FBXW12: variants seen among roughly 807,000 people sequenced by gnomAD.
The protein encoded by FBXW12 is F-box/WD repeat-containing protein 12.
Under a neutral mutation model 55.3 loss-of-function variants are expected in FBXW12, and 43 were observed. That is an observed-to-expected ratio of 0.78 (90% CI 0.61 to 1.00). The LOEUF (loss-of-function observed/expected upper bound fraction) is 1.00. Ranked by LOEUF, FBXW12 falls within the 50% of genes least tolerant of loss-of-function variation. FBXW12 has a pLI of 0.00. For missense variants in FBXW12, 524 were observed against 560.5 expected, an observed-to-expected ratio of 0.93 and a Z score of 0.66; for synonymous variants, 184 against 203.8, an observed-to-expected ratio of 0.90 and a Z score of 0.83.
Position 48,389,094 on chromosome 3 carries a change from A to G in FBXW12, c.1296-5466A>G, listed in dbSNP as rs576394526. Among the ~76,000 whole-genome samples the G allele has an allele frequency of 2.1e-4, 32 of 152,260 alleles. 1 individual carries two copies. The highest frequency in any genetic ancestry group is 7.5e-4 in the African/African-American group (31 of 41,542). ...TACGAGTCTAATTTATTTAGATTCC[A>G]TGTATAAGTGAGATCATCAGGCATG... On this transcript the variant is annotated intron_variant, in intron 10 of 10. Coordinates refer to ENST00000296438, the MANE Select transcript of FBXW12 (RefSeq NM_207102.2).
At position 48,380,465 on chromosome 3, in the gene FBXW12, C is replaced by T. The variant is rs1039926699; in HGVS notation, c.775-237C>T. ...AGGGTTCAACATGGCAAGATGGTTT[C>T]ATAACACCTTAGCATGCTTCAGGGA... On this transcript the variant is annotated intron_variant, in intron 7 of 10. Transcript: ENST00000296438. Among the ~76,000 whole-genome samples, 4 of 152,200 alleles carry T rather than the reference C, an allele frequency of 2.6e-5. No homozygotes were observed. In the East Asian group the frequency reaches 7.7e-4, roughly 29 times the overall value.
At chr3:48,394,502 C>T (rs1384593371) in intron 10 of FBXW12, 58 bp from the exon 11 acceptor site, 2 of 967,296 alleles carry the variant, frequency 2.1e-6, no homozygotes, top group Admixed American at 4.0e-5. Flanking sequence ...TCAGTATTAA[C>T]AATGGATGTA....
chr3:48,374,640 T>A (rs186487076), intron 4 of FBXW12, among the ~76,000 whole-genome samples: 7 of 152,118 alleles, frequency 4.6e-5, no homozygotes, highest in African/African-American at 1.2e-4. Context: ...ATTTTTTAAA[T>A]TTTTTTGTAG....
intron 8 of FBXW12, among the ~76,000 whole-genome samples, chr3:48,381,317 C>G (rs569144256): frequency 6.6e-6 from 1 of 151,974 alleles, no homozygotes. Context: ...CCATCGCACC[C>G]GGCCAGGAGC....
chr3:48,375,363 C>A lies in FBXW12; in HGVS notation c.296C>A (p.Thr99Lys), dbSNP rs148596796. Residue 99 changes from threonine (T) to lysine (K), a missense_variant, in exon 5 of 11, where the codon ACG becomes AAG. By Grantham distance (78) the Thr-to-Lys change is moderately conservative (BLOSUM62 -1). Coordinates refer to ENST00000296438, the MANE Select transcript of FBXW12 (RefSeq NM_207102.2). ...YKVTKNIAFE[T>K]ELAYLSGNRL... ...CTATGTTTCCTTCTAGCATTTGAGA[C>A]GGAGTTGGCTTATCTCTCAGGAAAT... 7.8e-5 allele frequency: 125 copies of A among 1,600,658 alleles called. No individual in the cohort carries two copies. The highest frequency in any genetic ancestry group is 1.1e-4 in the Non-Finnish European group (123 of 1,169,090).
rs371995635 is a variant in FBXW12, at chr3:48,373,233, AAAT to A, written c.91-70_91-68del. ...CCTGTGCGGGCCCAGCTCCCAGAAC[AAAT>A]AATAGCAGAGGATTACCCTTGCTCT... On this transcript the variant is annotated intron_variant, in intron 2 of 10. Transcript: ENST00000296438. 7 of 1,609,442 alleles carry A rather than the reference AAAT, an allele frequency of 4.3e-6. No homozygotes were observed. In the African/African-American group the frequency reaches 6.7e-5, roughly 15 times the overall value.
chr3:48,384,349 T>C (rs2036816350), intron 10 of FBXW12, among the ~76,000 whole-genome samples: 1 of 152,244 alleles, frequency 6.6e-6, no homozygotes, highest in South Asian at 2.1e-4. Context: ...ATTACTAGTA[T>C]ATAGAAATAC....
chr3:48,381,217 T>C (rs917511631), intron 8 of FBXW12, among the ~76,000 whole-genome samples: 1 of 151,950 alleles, frequency 6.6e-6, no homozygotes, highest in Non-Finnish European at 1.5e-5. Flanking sequence ...AGAGACAGGG[T>C]TTCACCCTGT....
At chr3:48,377,160 G>A (rs970823942) in intron 5 of FBXW12, among the ~76,000 whole-genome samples, 16 of 152,196 alleles carry the variant, frequency 1.1e-4, no homozygotes, top group Admixed American at 1.0e-3. Flanking sequence ...ACTGGAGGCT[G>A]TGGGGCAGAC....
intron 10 of FBXW12, among the ~76,000 whole-genome samples, chr3:48,386,545 T>C (rs2106647794): frequency 6.6e-6 from 1 of 152,358 alleles, no homozygotes; most frequent in East Asian, 1.9e-4. Flanking sequence ...GAAATTTTGA[T>C]AGGGATTGCA....
At chr3:48,389,471 T>C (rs1271597510) in intron 10 of FBXW12, among the ~76,000 whole-genome samples, 2 of 152,150 alleles carry the variant, frequency 1.3e-5, no homozygotes, top group Non-Finnish European at 2.9e-5. Context: ...CTCTGTCTCC[T>C]AGGTTCAAGT....
Position 48,372,231 on chromosome 3 carries a change from C to T in FBXW12, c.-174C>T, listed in dbSNP as rs1221740799. The T allele has an allele frequency of 9.1e-6, 14 of 1,546,326 alleles. No homozygotes were observed. Among genetic ancestry groups the T allele is most frequent in the Non-Finnish European group, 1.2e-5 (14 of 1,142,110 alleles). On this transcript the variant is annotated 5_prime_UTR_variant, in exon 1 of 11. Transcript: ENST00000296438. ...CCAGCTTGGCACGTTCTTTCTCCTC[C>T]ACTGCAAAGTTAAATGCGAGAAGGT...
At chr3:48,376,737 G>A (rs971706037) in intron 5 of FBXW12, among the ~76,000 whole-genome samples, 2 of 152,192 alleles carry the variant, frequency 1.3e-5, no homozygotes, top group African/African-American at 2.4e-5. Flanking sequence ...TAGAGAAAGC[G>A]AAGGATGACC....
intron 5 of FBXW12, among the ~76,000 whole-genome samples, 191 bp from the exon 6 acceptor site, chr3:48,378,126 G>A (rs1180556523): frequency 2.0e-5 from 3 of 152,162 alleles, no homozygotes; most frequent in East Asian, 1.9e-4. Context: ...TCTTGTCTCG[G>A]AGCATAATGT....
chr3:48,393,331 G>T (rs1329867139), intron 10 of FBXW12, among the ~76,000 whole-genome samples: 2 of 152,098 alleles, frequency 1.3e-5, no homozygotes, highest in African/African-American at 4.8e-5. Flanking sequence ...GTGCACCGGG[G>T]GAGATAGTCG....
chr3:48,377,600 C>T (rs1011871076), intron 5 of FBXW12, among the ~76,000 whole-genome samples: 2 of 152,216 alleles, frequency 1.3e-5, no homozygotes, highest in East Asian at 1.9e-4. Flanking sequence ...CTGTTTTAAG[C>T]CACTAAATTT....
Position 48,394,547 on chromosome 3 carries a change from T to C in FBXW12, c.1296-13T>C, listed in dbSNP as rs770867213. On this transcript the variant is annotated splice_polypyrimidine_tract_variant and intron_variant, in intron 10 of 10. Transcript: ENST00000296438. ...TCTTTTGTTCACTGATGATCTTATT[T>C]TTCCATTGACAGCTGCATCTCCAGT... 42 of 1,521,876 alleles carry C rather than the reference T, an allele frequency of 2.8e-5. 2 individuals carry two copies. The South Asian group carries it at 4.7e-4, about 17-fold the overall frequency. The allele number at this position is 1,521,876 out of a possible 1,614,324, so 94.3% of individuals were successfully genotyped here. A position where few individuals can be genotyped will look rare whatever the true frequency, so the allele number is the denominator to read the frequency against.
At position 48,372,282 on chromosome 3, in the gene FBXW12, T is replaced by G. The variant is rs1560028662; in HGVS notation, c.-123T>G. On this transcript the variant is annotated 5_prime_UTR_variant, in exon 1 of 11. Transcript: ENST00000296438. ...AGAAACCCAGAGGCCATGCTGGCGC[T>G]GAGAGATGAGCCCCACTCACCAGAT... 1 of 1,552,188 alleles carries G rather than the reference T, an allele frequency of 6.4e-7. No individual in the cohort carries two copies. Among genetic ancestry groups the G allele is most frequent in the South Asian group, 1.2e-5 (1 of 84,060 alleles).
intron 10 of FBXW12, among the ~76,000 whole-genome samples, chr3:48,391,106 C>CAAAAAAA (rs587685327): frequency 1.2e-5 from 1 of 82,908 alleles, no homozygotes; most frequent in African/African-American, 4.5e-5. Flanking sequence ...CCTGTCTCTA[C>CAAAAAAA]AAAAAAAAAA....
Sources: gnomAD v4.1 joint callset for allele counts (sites outside exome capture counted in the v4.1 genomes callset) on GRCh38, gnomAD v4.1.1 for gene constraint, MANE v1.5 for transcripts, NCBI Gene and HGNC (gene_info 2026-07-23, HGNC 2026-07-21) for gene names.